The following PCDH11X variants were observed in gnomAD, a reference collection of about 807,000 sequenced individuals.
PCDH11X encodes protocadherin-11 X-linked.
Under a neutral mutation model 53.3 loss-of-function variants are expected in PCDH11X, and 18 were observed. That is an observed-to-expected ratio of 0.34 (90% CI 0.23 to 0.50). PCDH11X has a LOEUF of 0.50. Ranked by LOEUF, PCDH11X falls within the 20% of genes least tolerant of loss-of-function variation. PCDH11X has a pLI of 0.98. For missense variants in PCDH11X, 570 were observed against 1,032.4 expected (o/e 0.55, Z 6.14); for synonymous variants, 279 against 393.3 (o/e 0.71, Z 3.44).
At chrX:92,237,619 CA>C (rs1347886711) in intron 7 of PCDH11X, among the ~76,000 whole-genome samples, 1 of 111,069 alleles carries the variant, frequency 9.0e-6, no homozygotes, top group Non-Finnish European at 1.9e-5. Flanking sequence ...GATATAATTT[CA>C]AAAGAAGTCA....
intron 6 of PCDH11X, among the ~76,000 whole-genome samples, chrX:92,161,764 G>A (rs1355019507): frequency 1.2e-5 from 1 of 83,965 alleles, no homozygotes; most frequent in Non-Finnish European, 2.3e-5. Flanking sequence ...AGAAAACCTT[G>A]TCTTTGAGCT....
intron 6 of PCDH11X, among the ~76,000 whole-genome samples, chrX:91,893,495 A>G (rs1202397433): frequency 9.1e-6 from 1 of 109,644 alleles, no homozygotes; most frequent in Non-Finnish European, 1.9e-5. Flanking sequence ...AAATATTCCC[A>G]GTATGCTATA....
chrX:91,964,880 C>T (rs111585462), intron 6 of PCDH11X, among the ~76,000 whole-genome samples: 1 of 111,617 alleles, frequency 9.0e-6, no homozygotes, highest in Non-Finnish European at 1.9e-5. Context: ...ACAGGAGACA[C>T]ACATAAGGGC....
intron 10 of PCDH11X, among the ~76,000 whole-genome samples, chrX:92,613,542 TTGTTGTG>T (rs758445683): frequency 0.16 from 14,987 of 93,252 alleles, 1,266 homozygotes; most frequent in African/African-American, 0.26. Flanking sequence ...GTTGTTGTTG[TTGTTGTG>T]TGTGTGTGTG....
intron 10 of PCDH11X, among the ~76,000 whole-genome samples, chrX:92,579,154 C>T (rs1294569029): frequency 1.0e-5 from 1 of 99,624 alleles, no homozygotes; most frequent in Non-Finnish European, 2.0e-5. Context: ...GTGACCTGGC[C>T]TTTCTCATGG....
intron 6 of PCDH11X, among the ~76,000 whole-genome samples, chrX:91,926,461 C>T (rs998104872): frequency 9.0e-6 from 1 of 110,996 alleles, no homozygotes; most frequent in Non-Finnish European, 1.9e-5. Context: ...CATTTCATAC[C>T]GTTGTAGAGT....
At chrX:91,801,978 G>C (rs1490013257) in intron 1 of PCDH11X, among the ~76,000 whole-genome samples, 1 of 113,357 alleles carries the variant, frequency 8.8e-6, no homozygotes, top group African/African-American at 3.2e-5. Flanking sequence ...AATTGGTCTC[G>C]AGAGAAAATG....
At chrX:92,404,295 G>T (rs2148592614) in intron 9 of PCDH11X, among the ~76,000 whole-genome samples, 1 of 105,531 alleles carries the variant, frequency 9.5e-6, no homozygotes, top group Admixed American at 1.1e-4. Flanking sequence ...AGTAAAAATA[G>T]AAATGCATAC....
At chrX:92,105,033 T>C (rs34964794) in intron 6 of PCDH11X, among the ~76,000 whole-genome samples, 18,450 of 110,677 alleles carry the variant, frequency 0.17, 1,338 homozygotes, top group East Asian at 0.41. Flanking sequence ...TGGTCTGACA[T>C]CCTTGAAACG....
chrX:91,928,308 A>G (rs1180598642), intron 6 of PCDH11X, among the ~76,000 whole-genome samples: 3 of 110,616 alleles, frequency 2.7e-5, no homozygotes, highest in Admixed American at 1.9e-4. Flanking sequence ...ACATAACTTT[A>G]TATCATGCTG....
rs934599332 is a variant in PCDH11X at position 92,273,714 on chromosome X, C to T, written c.3144+10571C>T. On this transcript the variant is annotated intron_variant, in intron 8 of 10. Coordinates refer to ENST00000682573, the MANE Select transcript of PCDH11X (RefSeq NM_032968.5). ...GGTAAGGGGTGATATTGTGGGGATG[C>T]TAGAAGAAACACATTTGTCGTGTAG... 3.6e-5 allele frequency among the ~76,000 whole-genome samples: 4 copies of T among 110,249 alleles called. 1 individual carries two copies. Among genetic ancestry groups the T allele is most frequent in the African/African-American group, 1.3e-4 (4 of 30,224 alleles).
chrX:91,995,798 AT>A (rs2062406219), intron 6 of PCDH11X, among the ~76,000 whole-genome samples: 1 of 110,404 alleles, frequency 9.1e-6, no homozygotes, highest in South Asian at 3.8e-4. Context: ...AACACTATAA[AT>A]TCTTCCAATC....
At chrX:92,165,684 T>C (rs1452340269) in intron 6 of PCDH11X, among the ~76,000 whole-genome samples, 2 of 111,998 alleles carry the variant, frequency 1.8e-5, no homozygotes, top group African/African-American at 6.5e-5. Flanking sequence ...AACTGGTCCA[T>C]GTTCAGATTT....
intron 6 of PCDH11X, among the ~76,000 whole-genome samples, chrX:92,159,709 C>T (rs1214946434): frequency 2.1e-5 from 2 of 97,407 alleles, no homozygotes; most frequent in Non-Finnish European, 4.1e-5. Flanking sequence ...ATTCTAGAAT[C>T]AGGCAACATC....
intron 7 of PCDH11X, among the ~76,000 whole-genome samples, chrX:92,233,379 TA>T (rs1182445806): frequency 2.7e-5 from 3 of 111,743 alleles, no homozygotes; most frequent in African/African-American, 9.7e-5. Flanking sequence ...GACATAGGCC[TA>T]AGTAGTAACT....
At chrX:91,823,056 T>A (rs1186959395) in intron 4 of PCDH11X, among the ~76,000 whole-genome samples, 1 of 109,052 alleles carries the variant, frequency 9.2e-6, no homozygotes, top group Non-Finnish European at 1.9e-5. Context: ...TTATAATTTC[T>A]GTTCTTTTAC....
chrX:92,489,571 CT>C (rs1235308087), intron 10 of PCDH11X, among the ~76,000 whole-genome samples: 3 of 107,643 alleles, frequency 2.8e-5, no homozygotes, highest in South Asian at 7.9e-4. Context: ...CCGACTCCTG[CT>C]TTTTTTTTCC....
At chrX:92,412,505 AATAGTATATATAT>A (rs1272889540) in intron 9 of PCDH11X, among the ~76,000 whole-genome samples, 1,046 of 63,233 alleles carry the variant, frequency 0.017, 23 homozygotes, top group African/African-American at 0.055. Context: ...AAATAAAGAA[AATAGTATATATAT>A]ATATATATAT....
intron 6 of PCDH11X, among the ~76,000 whole-genome samples, chrX:91,996,140 C>CTTTTTT (rs753881311): frequency 1.5e-5 from 1 of 66,605 alleles, no homozygotes; most frequent in African/African-American, 6.0e-5. Context: ...CACGCCTGGC[C>CTTTTTT]TTTTTTTTTT....
Sources: allele counts gnomAD v4.1 joint callset (sites outside exome capture counted in the v4.1 genomes callset), GRCh38; gene constraint gnomAD v4.1.1; transcripts MANE v1.5; gene names NCBI Gene and HGNC (gene_info 2026-07-23, HGNC 2026-07-21).